Variants in RINT1 observed in about 807,000 individuals in gnomAD.
RINT1 encodes RAD50-interacting protein 1.
In RINT1, 75 loss-of-function variants were observed where a neutral mutation model predicts 97.7. The ratio of observed to expected loss-of-function variants is 0.77; its 90% CI spans 0.64 to 0.93. The LOEUF (loss-of-function observed/expected upper bound fraction) is 0.93, where lower values mean the gene tolerates loss of function less well. Among genes scored for constraint, RINT1 ranks in the 40% least tolerant of loss-of-function variants. RINT1 has a pLI of 0.00. For missense variants in RINT1, 892 were observed against 925.2 expected (o/e 0.96, Z 0.47); for synonymous variants, 303 against 326.3 (o/e 0.93, Z 0.77).
At chr7:105,537,114 C>A (rs950721338) in intron 3 of RINT1, among the ~76,000 whole-genome samples, 39 of 129,040 alleles carry the variant, frequency 3.0e-4, no homozygotes, top group African/African-American at 9.6e-4. Flanking sequence ...GGTGTAAACA[C>A]CATCATTTCA....
intron 2 of RINT1, among the ~76,000 whole-genome samples, chr7:105,533,352 T>C (rs939981433): frequency 4.6e-5 from 7 of 152,210 alleles, no homozygotes; most frequent in Non-Finnish European, 1.0e-4. Context: ...TTCTGGATCT[T>C]GGACTGGACA....
intron 3 of RINT1, among the ~76,000 whole-genome samples, chr7:105,538,341 T>C (rs1231447870): frequency 6.6e-6 from 1 of 152,216 alleles, no homozygotes; most frequent in Non-Finnish European, 1.5e-5. Context: ...AAGTAAATTC[T>C]GTGTGGGTTA....
chr7:105,555,134 A>G lies in RINT1; in HGVS notation c.1578A>G (p.Glu526=). 6.2e-7 allele frequency: 1 copy of G among 1,614,112 alleles called. No homozygotes were observed. The highest frequency in any genetic ancestry group is 8.5e-7 in the Non-Finnish European group (1 of 1,180,006). The change falls in exon 11 of 15, where the codon GAA becomes GAG. Residue 526 remains glutamate (E), a synonymous_variant. Coordinates refer to ENST00000257700, the MANE Select transcript of RINT1 (RefSeq NM_021930.6). ...TACGATTAACACAAGTGATGAAAGA[A>G]GAGACTAGAGCTTCCCTTGGCTTTC... ...FRIRLTQVMK[E]ETRASLGFRY...
At chr7:105,532,776 T>C in intron 1 of RINT1, 48 bp from the exon 2 acceptor site, 2 of 1,602,284 alleles carry the variant, frequency 1.2e-6, no homozygotes, top group South Asian at 1.1e-5. Flanking sequence ...ATGCTTTCCA[T>C]CCACGACTTT....
intron 3 of RINT1, among the ~76,000 whole-genome samples, chr7:105,539,874 C>G (rs1005845494): frequency 6.6e-6 from 1 of 152,130 alleles, no homozygotes; most frequent in Non-Finnish European, 1.5e-5. Flanking sequence ...GCTTACAACA[C>G]TCTTATATAC....
chr7:105,556,029 T>C (rs1339345187), intron 11 of RINT1, among the ~76,000 whole-genome samples: 1 of 150,782 alleles, frequency 6.6e-6, no homozygotes. Context: ...GTAAATAGAA[T>C]AGGAAAATGA....
chr7:105,562,828 G>C (rs868046375), intron 11 of RINT1, among the ~76,000 whole-genome samples: 3 of 152,054 alleles, frequency 2.0e-5, no homozygotes, highest in Non-Finnish European at 4.4e-5. Flanking sequence ...GCTTGAACCC[G>C]GGAGGCGGAG....
chr7:105,542,353 A>C, intron 3 of RINT1, 55 bp from the exon 4 acceptor site: 1 of 1,416,606 alleles, frequency 7.1e-7, no homozygotes, highest in Non-Finnish European at 9.7e-7. Context: ...AATTATGAAA[A>C]TTTTATCTGA....
chr7:105,547,403 A>G (rs1447330082), intron 6 of RINT1, 70 bp downstream of exon 6: 1 of 1,506,844 alleles, frequency 6.6e-7, no homozygotes, highest in Non-Finnish European at 9.1e-7. Flanking sequence ...CTAGAGAGTA[A>G]AACTTTTTCA....
chr7:105,557,805 C>T (rs1791249401), intron 11 of RINT1, among the ~76,000 whole-genome samples: 1 of 151,964 alleles, frequency 6.6e-6, no homozygotes, highest in African/African-American at 2.4e-5. Flanking sequence ...ATATACTCAT[C>T]ATAGATATAA....
At chr7:105,559,838 C>T (rs1475722569) in intron 11 of RINT1, among the ~76,000 whole-genome samples, 1 of 152,204 alleles carries the variant, frequency 6.6e-6, no homozygotes, top group African/African-American at 2.4e-5. Context: ...TATTAAAGCT[C>T]TTGTATTGCA....
At chr7:105,561,475 C>T (rs1053585887) in intron 11 of RINT1, among the ~76,000 whole-genome samples, 7 of 151,950 alleles carry the variant, frequency 4.6e-5, no homozygotes, top group African/African-American at 1.7e-4. Context: ...TGCAGTAAGC[C>T]GAGATTGCTC....
intron 7 of RINT1, among the ~76,000 whole-genome samples, chr7:105,549,601 G>A (rs866074016): frequency 2.6e-4 from 38 of 148,210 alleles, no homozygotes; most frequent in African/African-American, 8.0e-4. Flanking sequence ...CACCCACCTC[G>A]GCCTCCCAAA....
intron 9 of RINT1, among the ~76,000 whole-genome samples, chr7:105,551,336 A>G (rs546511672): frequency 8.5e-4 from 130 of 152,262 alleles, no homozygotes; most frequent in African/African-American, 3.1e-3. Flanking sequence ...CCTGGCCAAT[A>G]GAATATTTTT....
Position 105,534,250 on chromosome 7 carries a change from G to A in RINT1, c.88+1381G>A, listed in dbSNP as rs957153031. Among the ~76,000 whole-genome samples the A allele has an allele frequency of 2.6e-5, 4 of 152,050 alleles. No homozygotes were observed. The South Asian group carries it at 8.3e-4, about 31-fold the overall frequency. On this transcript the variant is annotated intron_variant, in intron 2 of 14. Coordinates refer to ENST00000257700, the MANE Select transcript of RINT1 (RefSeq NM_021930.6). The stretch of plus-strand genomic sequence containing the variant: ...CACCCGGCTAATTTTTGTATTTTTA[G>A]TAGAGGCAGGGTTTCACCATTTTGG...
intron 11 of RINT1, among the ~76,000 whole-genome samples, chr7:105,563,453 C>T (rs770091492): frequency 3.3e-5 from 5 of 151,952 alleles, no homozygotes; most frequent in Non-Finnish European, 7.4e-5. Flanking sequence ...TTCCACCTTC[C>T]AGGTTCAAGC....
chr7:105,563,647 A>G, intron 11 of RINT1, 86 bp from the exon 12 acceptor site: 1 of 1,154,784 alleles, frequency 8.7e-7, no homozygotes, highest in Non-Finnish European at 1.3e-6. Context: ...ATACACTTTA[A>G]ATGGGTGAAT....
At chr7:105,556,526 A>C (rs1467993715) in intron 11 of RINT1, among the ~76,000 whole-genome samples, 2 of 151,734 alleles carry the variant, frequency 1.3e-5, no homozygotes, top group Non-Finnish European at 2.9e-5. Flanking sequence ...AACTCTTTTA[A>C]AAAAAAACAG....
At chr7:105,542,670 C>G (rs1790507911) in intron 4 of RINT1, 21 bp downstream of exon 4, 1 of 1,608,040 alleles carries the variant, frequency 6.2e-7, no homozygotes, top group African/African-American at 1.3e-5. Context: ...CCTCTTTGTT[C>G]TCACAATTAC....
Sources: allele counts gnomAD v4.1 joint callset (sites outside exome capture counted in the v4.1 genomes callset), GRCh38; gene constraint gnomAD v4.1.1; transcripts MANE v1.5; gene names NCBI Gene and HGNC (gene_info 2026-07-23, HGNC 2026-07-21).